Variants in PRRT4 observed in about 807,000 individuals in gnomAD.
PRRT4 encodes proline-rich transmembrane protein 4.
PRRT4 carries 59 observed loss-of-function variants against 55.6 expected under a neutral mutation model. The ratio of observed to expected loss-of-function variants is 1.06; its 90% CI spans 0.86 to 1.32. The LOEUF is 1.32. Ranked by LOEUF, PRRT4 falls within the 40% of genes most tolerant of loss-of-function variation. The pLI is 0.00. For synonymous variants in PRRT4, 606 were observed against 601.8 expected (o/e 1.01, Z -0.10); for missense variants, 1,217 against 1,222.0 (o/e 1.00, Z 0.06).
exon 5 of PRRT4, chr7:128,351,157 C>A: frequency 6.5e-7 from 1 of 1,546,136 alleles, no homozygotes. Context: ...AGATGAGACG[C>A]TGCTGCCTGC....
intron 4 of PRRT4, among the ~76,000 whole-genome samples, chr7:128,354,504 C>A (rs1190696826): frequency 6.6e-6 from 1 of 151,972 alleles, no homozygotes; most frequent in Non-Finnish European, 1.5e-5. Flanking sequence ...GCGGAGGTTG[C>A]AGTAAGCAGA....
exon 5 of PRRT4, chr7:128,351,818 G>A: frequency 7.1e-7 from 1 of 1,407,912 alleles, no homozygotes; most frequent in Non-Finnish European, 9.2e-7. Flanking sequence ...AGGGCGTGCA[G>A]CACCTCATAG....
chr7:128,359,210 G>A (rs1797180115), exon 3 of PRRT4: 1 of 1,551,780 alleles, frequency 6.4e-7, no homozygotes, highest in East Asian at 2.4e-5. Flanking sequence ...GGGGGCTCAG[G>A]CCGGAGAAGT....
Position 128,351,572 on chromosome 7 carries a change from GC to G in PRRT4, c.1983del (p.Glu661AspfsTer230). On this transcript the variant is annotated frameshift_variant, in exon 5 of 5. Coordinates refer to ENST00000535159, the Ensembl canonical transcript of PRRT4. LOFTEE classifies it high-confidence loss of function. ...CCGCGAGCGATGGCGCTCCCCAGGG[GC>G]TCCTTGTCTGGGGGCCCAGTGACCC... The G allele has an allele frequency of 6.7e-7, 1 of 1,500,986 alleles. No individual in the cohort carries two copies. Among genetic ancestry groups the G allele is most frequent in the Non-Finnish European group, 8.8e-7 (1 of 1,132,494 alleles). The allele number at this position is 1,500,986 out of a possible 1,614,324, so 93.0% of individuals were successfully genotyped here. A position where few individuals can be genotyped will look rare whatever the true frequency, so the allele number is the denominator to read the frequency against.
At chr7:128,355,926 C>T (rs943309851) in intron 4 of PRRT4, among the ~76,000 whole-genome samples, 1 of 152,232 alleles carries the variant, frequency 6.6e-6, no homozygotes, top group Non-Finnish European at 1.5e-5. Context: ...TCTCTCATCT[C>T]TATACCTAAG....
chr7:128,353,440 T>G (rs948503953), intron 4 of PRRT4, among the ~76,000 whole-genome samples: 1 of 152,062 alleles, frequency 6.6e-6, no homozygotes, highest in Non-Finnish European at 1.5e-5. Flanking sequence ...CCCACACATG[T>G]GCATACACAC....
chr7:128,355,564 A>G (rs1797095859), intron 4 of PRRT4, among the ~76,000 whole-genome samples: 1 of 152,204 alleles, frequency 6.6e-6, no homozygotes, highest in Non-Finnish European at 1.5e-5. Context: ...CAATTAAACG[A>G]GAAACTACTT....
chr7:128,354,385 A>G (rs1797066224), intron 4 of PRRT4, among the ~76,000 whole-genome samples: 1 of 152,134 alleles, frequency 6.6e-6, no homozygotes, highest in African/African-American at 2.4e-5. Context: ...CCAACACAGC[A>G]AAACCCCATC....
At chr7:128,351,237 G>T in exon 5 of PRRT4, 1 of 1,539,828 alleles carries the variant, frequency 6.5e-7, no homozygotes, top group Non-Finnish European at 8.7e-7. Context: ...ATCTCTCACT[G>T]GCCCTGCCCC....
Position 128,358,638 on chromosome 7 carries a change from G to C in PRRT4, c.877+43C>G, listed in dbSNP as rs1366624159. ...GATGAGTGACTAGCATGTAGTAAGT[G>C]CTCAATAAATAATTGTCAAGTTCAA... is the stretch of plus-strand genomic sequence containing the variant. On this transcript the variant is annotated intron_variant, in intron 4 of 4. Coordinates refer to ENST00000535159, the Ensembl canonical transcript of PRRT4. The surrounding 1 kb of genome is among the most constrained non-coding windows in gnomAD (Gnocchi z 4.4). The C allele has an allele frequency of 6.6e-7, 1 of 1,518,710 alleles. No individual in the cohort carries two copies. The highest frequency in any genetic ancestry group is 8.9e-7 in the Non-Finnish European group (1 of 1,117,718). 94.1% of individuals were successfully genotyped at this position (1,518,710 alleles called of 1,614,324 possible).
At chr7:128,352,643 A>C (rs968924068) in exon 5 of PRRT4, 1 of 1,538,242 alleles carries the variant, frequency 6.5e-7, no homozygotes, top group Non-Finnish European at 8.7e-7. Context: ...GCGGGAGGAG[A>C]GAGGTCATCT....
intron 4 of PRRT4, among the ~76,000 whole-genome samples, chr7:128,356,975 G>A (rs1334133521): frequency 1.3e-5 from 2 of 152,172 alleles, no homozygotes; most frequent in South Asian, 2.1e-4. Flanking sequence ...GGGAGTGGAG[G>A]GGAACCCTCT....
Position 128,358,941 on chromosome 7 carries a change from A to ATGG in PRRT4, c.758-142_758-141insCCA. 7.4e-7 allele frequency: 1 copy of ATGG among 1,347,406 alleles called. No individual in the cohort carries two copies. Among genetic ancestry groups the ATGG allele is most frequent in the Non-Finnish European group, 1.0e-6 (1 of 1,004,174 alleles). The allele number at this position is 1,347,406 out of a possible 1,614,324, so 83.5% of individuals were successfully genotyped here. ...GGAATTGTAGCCACATGCTAAGCTC[A>ATGG]TGTACACCATGAGCTAAGCTACAAA... is the stretch of plus-strand genomic sequence containing the variant. On this transcript the variant is annotated intron_variant, in intron 3 of 4. Coordinates refer to ENST00000535159, the Ensembl canonical transcript of PRRT4. The surrounding 1 kb of genome is among the most constrained non-coding windows in gnomAD (Gnocchi z 4.4).
exon 5 of PRRT4, chr7:128,352,605 T>G: frequency 6.5e-7 from 1 of 1,543,140 alleles, no homozygotes; most frequent in Non-Finnish European, 8.7e-7. Context: ...GCCCACACTC[T>G]GGCTGCCCCG....
chr7:128,350,863 T>C lies in PRRT4; in HGVS notation c.2693A>G (p.Asp898Gly), dbSNP rs530844932. The C allele has an allele frequency of 1.9e-6, 3 of 1,550,700 alleles. No individual in the cohort carries two copies. In the East Asian group the frequency reaches 7.3e-5, roughly 38 times the overall value. Reference sequence around the variant, plus strand: ...AGCAAGGTGGCCACCTCTTCACAGGTCTATGGTGTCGCTGCCCACGCTCAG... The same window carrying C: ...AGCAAGGTGGCCACCTCTTCACAGGCCTATGGTGTCGCTGCCCACGCTCAG... Residue 898 changes from aspartate (D) to glycine (G), a missense_variant, in exon 5 of 5, where the codon GAC becomes GGC. This residue lies in a region of PRRT4 where 642 missense variants were observed against 600.9 expected (regional missense o/e 1.07). Coordinates refer to ENST00000535159, the Ensembl canonical transcript of PRRT4.
At chr7:128,351,800 C>T (rs1456024698) in exon 5 of PRRT4, 1 of 1,419,994 alleles carries the variant, frequency 7.0e-7, no homozygotes, top group Non-Finnish European at 9.1e-7. Context: ...GATTGGCCGC[C>T]GTAGCCCAGG....
Position 128,358,769 on chromosome 7 carries a change from T to C in PRRT4, c.789A>G (p.Pro263=). 6.4e-7 allele frequency: 1 copy of C among 1,551,038 alleles called. No individual in the cohort carries two copies. The highest frequency in any genetic ancestry group is 8.7e-7 in the Non-Finnish European group (1 of 1,146,694). ...TGGAGAGCTTCCTCTCCAGGGAGTA[T>C]GGGGGCAGGGACAGAGTGGTACCAA... The change falls in exon 4 of 5, where the codon CCA becomes CCG. Residue 263 remains proline (P), a synonymous_variant. Coordinates refer to ENST00000535159, the Ensembl canonical transcript of PRRT4. This position sits in a 1 kb window ranked among gnomAD's most constrained non-coding sequence, Gnocchi z 4.4.
At chr7:128,351,333 C>T (rs1020067290) in exon 5 of PRRT4, 1 of 1,546,560 alleles carries the variant, frequency 6.5e-7, no homozygotes, top group South Asian at 1.2e-5. Context: ...CAGGCGCAAG[C>T]AGGGCCTCGC....
At chr7:128,360,092 T>C in intron 1 of PRRT4, 29 bp from the exon 3 acceptor site, 2 of 970,388 alleles carry the variant, frequency 2.1e-6, no homozygotes, top group Non-Finnish European at 2.7e-6. Context: ...CTGTGAGCCC[T>C]GGCTGTGGCC....
Sources: allele counts gnomAD v4.1 joint callset (sites outside exome capture counted in the v4.1 genomes callset), GRCh38; gene constraint gnomAD v4.1.1; regional missense constraint gnomAD v4.1.1; non-coding constraint Gnocchi (gnomAD v3.1); transcripts MANE v1.5; gene names NCBI Gene and HGNC (gene_info 2026-07-23, HGNC 2026-07-21).